SSPN: variants seen among roughly 807,000 people sequenced by gnomAD.
SSPN encodes the protein sarcospan, also known as K-ras oncogene-associated protein.
A neutral mutation model predicts 19.1 loss-of-function variants in SSPN; 15 were observed. That is an observed-to-expected ratio of 0.78 (90% CI 0.52 to 1.21). SSPN has a LOEUF of 1.21. Ranked by LOEUF, SSPN falls within the 50% of genes most tolerant of loss-of-function variation. The pLI is 0.00. For synonymous variants in SSPN, 147 were observed against 140.3 expected, an observed-to-expected ratio of 1.05 and a Z score of -0.34; for missense variants, 291 against 314.0, an observed-to-expected ratio of 0.93 and a Z score of 0.55.
chr12:26,184,012 G>A (rs1306112060), intron 1 of SSPN, among the ~76,000 whole-genome samples: 4 of 152,206 alleles, frequency 2.6e-5, no homozygotes, highest in East Asian at 3.8e-4. Flanking sequence ...TTGGTTCTGC[G>A]TGGACACCTG....
chr12:26,196,009 A>G (rs1324162939), intron 1 of SSPN, 58 bp downstream of exon 1: 7 of 1,367,194 alleles, frequency 5.1e-6, no homozygotes, highest in African/African-American at 1.5e-5. Context: ...GCGAAGTCGC[A>G]TGGTCGAGTT....
intron 1 of SSPN, among the ~76,000 whole-genome samples, chr12:26,183,268 A>G (rs1216909331): frequency 6.6e-6 from 1 of 152,148 alleles, no homozygotes; most frequent in Non-Finnish European, 1.5e-5. Flanking sequence ...AGTATATCAT[A>G]CCTACCTTTT....
intron 1 of SSPN, among the ~76,000 whole-genome samples, chr12:26,138,612 A>G (rs1944441937): frequency 6.6e-6 from 1 of 152,066 alleles, no homozygotes; most frequent in South Asian, 2.1e-4. Context: ...GTTAATTTAC[A>G]TTTAATTTTA....
At chr12:26,201,011 GTATA>G (rs869035319) in intron 1 of SSPN, among the ~76,000 whole-genome samples, 10 of 76,032 alleles carry the variant, frequency 1.3e-4, no homozygotes, top group African/African-American at 4.2e-4. Flanking sequence ...GTTAATTTGT[GTATA>G]TATATATATA....
intron 1 of SSPN, among the ~76,000 whole-genome samples, chr12:26,202,624 G>A (rs1002136588): frequency 1.4e-4 from 22 of 152,172 alleles, no homozygotes; most frequent in Non-Finnish European, 3.1e-4. Flanking sequence ...TAGATAGATT[G>A]CCAATATGAT....
At position 26,231,108 on chromosome 12, in the gene SSPN, C is replaced by T. The variant is rs746761971; in HGVS notation, c.*32C>T. On this transcript the variant is annotated 3_prime_UTR_variant, in exon 3 of 3. Coordinates refer to ENST00000242729, the MANE Select transcript of SSPN (RefSeq NM_005086.5). ...TGCTCAAAGTTGCGAGAGAAAGTAG[C>T]ACATGGAGTAGCTGAGGTTAAACAA... is the stretch of plus-strand genomic sequence containing the variant. 8 of 1,586,708 alleles carry T rather than the reference C, an allele frequency of 5.0e-6. No homozygotes were observed. In the East Asian group the frequency reaches 1.3e-4, roughly 27 times the overall value.
chr12:26,161,203 C>T (rs577978903), intron 1 of SSPN, among the ~76,000 whole-genome samples: 2 of 151,498 alleles, frequency 1.3e-5, no homozygotes, highest in African/African-American at 2.4e-5. Flanking sequence ...CAGTAAAATT[C>T]AGAGTATTGA....
chr12:26,195,641 G>GCTGGGGCCC lies in SSPN; in HGVS notation c.-31_-30insTGGGGCCCC. On this transcript the variant is annotated 5_prime_UTR_variant, in exon 1 of 3. Transcript: ENST00000242729. ...CTCCAGGGCCCAGGGCGCCGCACAC[G>GCTGGGGCCC]CACCCACCCACCCACCCAGCCTCGC... The GCTGGGGCCC allele has an allele frequency of 2.7e-6, 3 of 1,105,402 alleles. No homozygotes were observed. Among genetic ancestry groups the GCTGGGGCCC allele is most frequent in the Non-Finnish European group, 3.4e-6 (3 of 878,120 alleles). The allele number at this position is 1,105,402 out of a possible 1,614,324, so 68.5% of individuals were successfully genotyped here.
intron 1 of SSPN, among the ~76,000 whole-genome samples, chr12:26,166,545 C>T (rs1273461177): frequency 2.0e-5 from 3 of 152,168 alleles, no homozygotes; most frequent in Non-Finnish European, 2.9e-5. Flanking sequence ...TGCCCTGTTG[C>T]CTATTTTTAC....
At chr12:26,193,625 T>C (rs1326181422), upstream of SSPN, among the ~76,000 whole-genome samples, 2 of 152,200 alleles carry the variant, frequency 1.3e-5, no homozygotes, top group African/African-American at 4.8e-5. Context: ...CAGGTGGGTG[T>C]CCTGGTATAA....
At chr12:26,225,083 C>T (rs1945163299) in intron 2 of SSPN, among the ~76,000 whole-genome samples, 1 of 151,992 alleles carries the variant, frequency 6.6e-6, no homozygotes, top group African/African-American at 2.4e-5. Context: ...TTTCTCTCAA[C>T]TACTATAGCA....
chr12:26,135,174 G>A (rs1944418176), intron 1 of SSPN: 1 of 152,402 alleles, frequency 6.6e-6, no homozygotes, highest in African/African-American at 2.4e-5. Flanking sequence ...TAACATCCAG[G>A]GCATGGCTCT....
At chr12:26,209,113 T>A (rs929232791) in intron 1 of SSPN, among the ~76,000 whole-genome samples, 6 of 152,116 alleles carry the variant, frequency 3.9e-5, no homozygotes, top group African/African-American at 1.2e-4. Flanking sequence ...GAAAAATACT[T>A]TTGGTAATTT....
At chr12:26,167,363 C>A (rs1374868513) in intron 1 of SSPN, among the ~76,000 whole-genome samples, 23 of 152,118 alleles carry the variant, frequency 1.5e-4, no homozygotes, top group Admixed American at 1.5e-3. Flanking sequence ...TTGGAAAAAG[C>A]AGCAGAGTGT....
chr12:26,209,940 CT>C (rs1183770638), intron 1 of SSPN, among the ~76,000 whole-genome samples: 1 of 151,798 alleles, frequency 6.6e-6, no homozygotes, highest in Non-Finnish European at 1.5e-5. Flanking sequence ...TGTATGATAA[CT>C]TGATATAGCC....
intron 1 of SSPN, among the ~76,000 whole-genome samples, chr12:26,186,222 C>A (rs1024678827): frequency 6.6e-6 from 1 of 151,948 alleles, no homozygotes; most frequent in African/African-American, 2.4e-5. Context: ...AAACAACAAC[C>A]ATTTTAAGTG....
At chr12:26,194,447 A>G (rs982405278), upstream of SSPN, among the ~76,000 whole-genome samples, 2 of 152,224 alleles carry the variant, frequency 1.3e-5, no homozygotes, top group Non-Finnish European at 2.9e-5. Flanking sequence ...GTGCAGTGCC[A>G]TGATCACGGC....
intron 1 of SSPN, among the ~76,000 whole-genome samples, chr12:26,223,782 A>G (rs1213192627): frequency 6.6e-6 from 1 of 152,242 alleles, no homozygotes; most frequent in Admixed American, 6.5e-5. Context: ...AGCCCTTAGA[A>G]GAGCTCTAGC....
chr12:26,196,438 ATTAGTAAG>A (rs1182201475), intron 1 of SSPN, among the ~76,000 whole-genome samples: 1 of 152,218 alleles, frequency 6.6e-6, no homozygotes, highest in Non-Finnish European at 1.5e-5. Flanking sequence ...CTGAGGCTCC[ATTAGTAAG>A]TTTCCTGAAA....
Sources: allele counts gnomAD v4.1 joint callset (sites outside exome capture counted in the v4.1 genomes callset), GRCh38; gene constraint gnomAD v4.1.1; transcripts MANE v1.5; gene names NCBI Gene and HGNC (gene_info 2026-07-23, HGNC 2026-07-21).